KLRC3: variants seen among roughly 807,000 people sequenced by gnomAD.
KLRC3 encodes the protein killer cell lectin like receptor C3.
KLRC3 carries 16 observed loss-of-function variants against 23.6 expected under a neutral mutation model. The ratio of observed to expected loss-of-function variants is 0.68; its 90% CI spans 0.46 to 1.03. KLRC3 has a LOEUF of 1.03. Ranked by LOEUF, KLRC3 falls within the 50% of genes least tolerant of loss-of-function variation. The pLI is 0.00. For synonymous variants in KLRC3, 70 were observed against 71.8 expected (o/e 0.98, Z 0.13); for missense variants, 209 against 232.2 (o/e 0.90, Z 0.65).
intron 5 of KLRC3, among the ~76,000 whole-genome samples, chr12:10,416,407 CTCT>C (rs1451896978): frequency 6.6e-5 from 10 of 152,300 alleles, no homozygotes; most frequent in African/African-American, 2.4e-4. Context: ...TGGCCCAAGA[CTCT>C]TCTTCTTCCA....
At position 10,414,009 on chromosome 12, in the gene KLRC3, T is replaced by C. The variant is rs191702369; in HGVS notation, c.679-1393A>G. ...ACTCTTAACAAATGCTTCCAGGTTA[T>C]AGAGAAACAGAAAATCTTCCCAAGA... On this transcript the variant is annotated intron_variant, in intron 6 of 6. Coordinates refer to ENST00000396439, the MANE Select transcript of KLRC3 (RefSeq NM_002261.3). Among the ~76,000 whole-genome samples the C allele has an allele frequency of 2.0e-3, 304 of 152,240 alleles. 1 individual carries two copies. The highest frequency in any genetic ancestry group is 3.9e-3 in the Admixed American group (60 of 15,286).
chr12:10,415,721 C>T lies in KLRC3; in HGVS notation c.661G>A (p.Gly221Arg), dbSNP rs1863631411. Residue 221 changes from glycine (G) to arginine (R), a missense_variant, in exon 6 of 7, where the codon GGA (glycine) becomes AGA (arginine). Gly to Arg is a moderately radical substitution (Grantham distance 125, BLOSUM62 -2). This residue lies in a region of KLRC3 where 74 missense variants were observed against 51.0 expected (regional missense o/e 1.45). Transcript: ENST00000396439. ...HVRGLISDQC[G>R]SSRIIRRGFI... ...ATGCTCACAATGATTCTTGAAGATC[C>T]ACACTGGTCTGATATAAGTCCACGT... 6.2e-7 allele frequency: 1 copy of T among 1,612,794 alleles called. No homozygotes were observed. Among genetic ancestry groups the T allele is most frequent in the South Asian group, 1.1e-5 (1 of 90,902 alleles).
chr12:10,412,621 A>C lies in KLRC3; in HGVS notation c.679-5T>G, dbSNP rs1390949270. 2.9e-6 allele frequency: 2 copies of C among 700,484 alleles called. No individual in the cohort carries two copies. The highest frequency in any genetic ancestry group is 4.0e-5 in the Admixed American group (2 of 49,624). 43.4% of individuals were successfully genotyped at this position (700,484 alleles called of 1,614,324 possible). A position where few individuals can be genotyped will look rare whatever the true frequency, so the allele number is the denominator to read the frequency against. On this transcript the variant is annotated splice_region_variant and splice_polypyrimidine_tract_variant and intron_variant, in intron 6 of 6. Coordinates refer to ENST00000396439, the MANE Select transcript of KLRC3 (RefSeq NM_002261.3). ...CAACATGATGAAACCCCGTCTCTACAAAAAAATACGAAAATTAGCCAGCAT... is the reference window on the plus strand; with the variant it reads ...CAACATGATGAAACCCCGTCTCTACCAAAAAATACGAAAATTAGCCAGCAT...
At chr12:10,417,869 C>G (rs188289141) in intron 4 of KLRC3, among the ~76,000 whole-genome samples, 101 of 152,272 alleles carry the variant, frequency 6.6e-4, no homozygotes, top group Non-Finnish European at 1.1e-3. Flanking sequence ...GAAATTCACA[C>G]TGTATAATTC....
chr12:10,416,907 A>C lies in KLRC3; in HGVS notation c.487-140T>G. 4 of 685,300 alleles carry C rather than the reference A, an allele frequency of 5.8e-6. No individual in the cohort carries two copies. The South Asian group carries it at 8.9e-5, about 15-fold the overall frequency. 42.5% of individuals were successfully genotyped at this position (685,300 alleles called of 1,614,324 possible). A position where few individuals can be genotyped will look rare whatever the true frequency, so the allele number is the denominator to read the frequency against. ...AATTTTTTATTTAAATGAACTCTTC[A>C]ACGTTTATACTTAGTACTTTCATTC... On this transcript the variant is annotated intron_variant, in intron 4 of 6. Transcript: ENST00000396439.
chr12:10,416,496 A>G (rs1397138955), intron 5 of KLRC3, among the ~76,000 whole-genome samples, 171 bp downstream of exon 5: 1 of 152,198 alleles, frequency 6.6e-6, no homozygotes, highest in Non-Finnish European at 1.5e-5. Context: ...CTGACCAATG[A>G]GTGGTGGACA....
At chr12:10,418,269 T>A in intron 4 of KLRC3, 75 bp downstream of exon 4, 3 of 1,354,152 alleles carry the variant, frequency 2.2e-6, no homozygotes, top group African/African-American at 1.4e-5. Flanking sequence ...TGTACACACA[T>A]ATGGATGTTT....
chr12:10,418,632 T>TA (rs1413891790), intron 3 of KLRC3, 134 bp from the exon 4 acceptor site: 15 of 1,098,838 alleles, frequency 1.4e-5, no homozygotes, highest in Non-Finnish European at 1.9e-5. Flanking sequence ...TAAGTATATA[T>TA]TTTTTAATAA....
rs1051965012 is a variant in KLRC3, at chr12:10,412,436, T to C, written c.*136A>G. 3 of 656,940 alleles carry C rather than the reference T, an allele frequency of 4.6e-6. No homozygotes were observed. Among genetic ancestry groups the C allele is most frequent in the Non-Finnish European group, 8.1e-6 (3 of 368,926 alleles). 40.7% of individuals were successfully genotyped at this position (656,940 alleles called of 1,614,324 possible). ...GGGAAAAGTAATTTTTAAAACATCATCTAGTTAAAAATAGGGAGGGCAGAA... is the reference window on the plus strand; with the variant it reads ...GGGAAAAGTAATTTTTAAAACATCACCTAGTTAAAAATAGGGAGGGCAGAA... On this transcript the variant is annotated 3_prime_UTR_variant, in exon 7 of 7. Coordinates refer to ENST00000396439, the MANE Select transcript of KLRC3 (RefSeq NM_002261.3).
At chr12:10,415,420 T>C (rs1403280902) in intron 6 of KLRC3, among the ~76,000 whole-genome samples, 7 of 152,178 alleles carry the variant, frequency 4.6e-5, no homozygotes, top group Admixed American at 1.3e-4. Context: ...TCTTGATACT[T>C]CATATAAACT....
At chr12:10,417,859 G>C (rs1249041055) in intron 4 of KLRC3, among the ~76,000 whole-genome samples, 1 of 152,204 alleles carries the variant, frequency 6.6e-6, no homozygotes, top group South Asian at 2.1e-4. Context: ...AGACAGACAT[G>C]AAATTCACAC....
intron 4 of KLRC3, among the ~76,000 whole-genome samples, chr12:10,418,096 A>G (rs72475441): frequency 0.053 from 8,010 of 152,274 alleles, 511 homozygotes; most frequent in South Asian, 0.27. Flanking sequence ...ATAAAATTAA[A>G]TAGTAAAATT....
At chr12:10,420,156 G>C (rs1195402851) in intron 1 of KLRC3, among the ~76,000 whole-genome samples, 192 bp from the exon 2 acceptor site, 2 of 152,004 alleles carry the variant, frequency 1.3e-5, no homozygotes, top group Non-Finnish European at 2.9e-5. Flanking sequence ...TAAATGTAAT[G>C]TTCCATGAGT....
At chr12:10,416,293 C>T (rs1049587760) in intron 5 of KLRC3, among the ~76,000 whole-genome samples, 4 of 152,162 alleles carry the variant, frequency 2.6e-5, no homozygotes, top group South Asian at 2.1e-4. Flanking sequence ...GCTTTCAATG[C>T]GGCCCAACAC....
chr12:10,413,246 GT>G (rs1863597090), intron 6 of KLRC3, among the ~76,000 whole-genome samples: 1 of 152,216 alleles, frequency 6.6e-6, no homozygotes, highest in African/African-American at 2.4e-5. Context: ...ACCTTATATG[GT>G]TTTTAATTCA....
At chr12:10,414,368 GA>G (rs745847954) in intron 6 of KLRC3, among the ~76,000 whole-genome samples, 9 of 151,660 alleles carry the variant, frequency 5.9e-5, no homozygotes, top group East Asian at 3.9e-4. Flanking sequence ...AAGATATGAT[GA>G]AAAAAACACC....
At chr12:10,414,065 A>G (rs1422564172) in intron 6 of KLRC3, among the ~76,000 whole-genome samples, 9 of 152,168 alleles carry the variant, frequency 5.9e-5, no homozygotes, top group Non-Finnish European at 1.2e-4. Flanking sequence ...TTTCAAGTAC[A>G]TAGCTACAAA....
intron 6 of KLRC3, among the ~76,000 whole-genome samples, chr12:10,414,443 T>C (rs965348371): frequency 2.6e-5 from 4 of 151,868 alleles, no homozygotes; most frequent in Non-Finnish European, 5.9e-5. Flanking sequence ...ATGATACATA[T>C]GATACATGTA....
At chr12:10,417,352 G>C (rs1565502838) in intron 4 of KLRC3, among the ~76,000 whole-genome samples, 1 of 151,812 alleles carries the variant, frequency 6.6e-6, no homozygotes, top group African/African-American at 2.4e-5. Context: ...CTGAAAGGTG[G>C]AAAGAGAAAG....
Sources: gnomAD v4.1 joint callset for allele counts (sites outside exome capture counted in the v4.1 genomes callset) on GRCh38, gnomAD v4.1.1 for gene constraint, gnomAD v4.1.1 regional missense constraint, MANE v1.5 for transcripts, NCBI Gene and HGNC (gene_info 2026-07-23, HGNC 2026-07-21) for gene names.